The following FBXL13 variants were observed in gnomAD, a reference collection of about 807,000 sequenced individuals.
FBXL13 encodes the protein F-box and leucine-rich repeat protein 13.
Under a neutral mutation model 83.6 loss-of-function variants are expected in FBXL13, and 67 were observed. The ratio of observed to expected loss-of-function variants is 0.80; its 90% CI spans 0.66 to 0.98. FBXL13 has a LOEUF of 0.98. Ranked by LOEUF, FBXL13 falls within the 50% of genes least tolerant of loss-of-function variation. The probability of loss-of-function intolerance (pLI) is 0.00; values close to 1 mark genes in which losing one functional copy is unlikely to be tolerated. For missense variants in FBXL13, 822 were observed against 866.5 expected (o/e 0.95, Z 0.64); for synonymous variants, 272 against 299.5 (o/e 0.91, Z 0.95).
Position 102,982,482 on chromosome 7 carries a change from T to C in FBXL13, c.496-14365A>G, listed in dbSNP as rs566229373. Among the ~76,000 whole-genome samples, 45 of 152,252 alleles carry C rather than the reference T, an allele frequency of 3.0e-4. No homozygotes were observed. In the South Asian group the frequency reaches 8.1e-3, roughly 27 times the overall value. On this transcript the variant is annotated intron_variant, in intron 6 of 19. Transcript: ENST00000313221. ...AGCCTTGCAAGGTACTCTCCCATCGTTGGCACTGGAATTGAGTCTTCCAAA... is the reference window on the plus strand; with the variant it reads ...AGCCTTGCAAGGTACTCTCCCATCGCTGGCACTGGAATTGAGTCTTCCAAA...
chr7:102,943,268 C>T (rs1046984072), intron 8 of FBXL13, among the ~76,000 whole-genome samples: 4 of 151,488 alleles, frequency 2.6e-5, no homozygotes, highest in Non-Finnish European at 4.4e-5. Flanking sequence ...CTGCACTTGT[C>T]TTACATGCGA....
At chr7:102,936,141 T>C (rs1476495047) in intron 8 of FBXL13, 1 of 151,250 alleles carries the variant, frequency 6.6e-6, no homozygotes, top group Non-Finnish European at 1.5e-5. Context: ...GAACTGTATA[T>C]AATTCAGTGC....
chr7:102,963,103 G>C (rs541989922), intron 8 of FBXL13, among the ~76,000 whole-genome samples: 21 of 151,132 alleles, frequency 1.4e-4, no homozygotes, highest in African/African-American at 5.1e-4. Flanking sequence ...TGGATCACTT[G>C]AGGTCAGGAG....
At chr7:102,937,529 G>A (rs1205513074) in intron 8 of FBXL13, among the ~76,000 whole-genome samples, 1 of 138,898 alleles carries the variant, frequency 7.2e-6, no homozygotes, top group African/African-American at 2.7e-5. Context: ...AAAAAATGAA[G>A]GGTAGCTTTG....
chr7:102,972,927 T>G (rs527372377), intron 6 of FBXL13, among the ~76,000 whole-genome samples: 2 of 151,340 alleles, frequency 1.3e-5, no homozygotes, highest in East Asian at 3.9e-4. Context: ...TATTTTTAAT[T>G]GACAAATAAT....
chr7:103,068,191 A>G (rs1215595964), intron 1 of FBXL13, among the ~76,000 whole-genome samples: 1 of 152,250 alleles, frequency 6.6e-6, no homozygotes, highest in Admixed American at 6.5e-5. Context: ...GAACAATGAC[A>G]GGAGTAGAGA....
chr7:102,942,144 C>G, intron 8 of FBXL13: 1 of 549,608 alleles, frequency 1.8e-6, no homozygotes, highest in Non-Finnish European at 3.3e-6. Flanking sequence ...GAACGTATTT[C>G]CTACATTAAT....
At chr7:103,068,337 CAT>C (rs1216347319) in intron 1 of FBXL13, among the ~76,000 whole-genome samples, 1 of 152,080 alleles carries the variant, frequency 6.6e-6, no homozygotes, top group African/African-American at 2.4e-5. Flanking sequence ...AGGGAAGATA[CAT>C]AGTTTGGAAG....
chr7:102,932,064 G>A, intron 8 of FBXL13, 131 bp from the exon 10 acceptor site: 2 of 752,794 alleles, frequency 2.7e-6, no homozygotes, highest in Admixed American at 3.1e-5. Context: ...CATGTTCTAA[G>A]TATATGGTTT....
intron 10 of FBXL13, among the ~76,000 whole-genome samples, chr7:102,921,138 C>T (rs942561942): frequency 6.6e-6 from 1 of 151,978 alleles, no homozygotes; most frequent in African/African-American, 2.4e-5. Context: ...GGCAACAGGG[C>T]GAGACTCCGT....
intron 1 of FBXL13, among the ~76,000 whole-genome samples, chr7:103,071,223 A>G (rs1798921757): frequency 6.6e-6 from 1 of 152,120 alleles, no homozygotes; most frequent in South Asian, 2.1e-4. Context: ...AAAAGAAAAA[A>G]AAAGCTAACA....
chr7:103,059,936 T>C (rs1797690015), intron 1 of FBXL13, among the ~76,000 whole-genome samples: 3 of 148,984 alleles, frequency 2.0e-5, no homozygotes, highest in South Asian at 2.1e-4. Flanking sequence ...TCATACGCTA[T>C]AGGGCTATCA....
At chr7:102,920,541 G>A (rs533851418) in intron 10 of FBXL13, among the ~76,000 whole-genome samples, 7 of 152,056 alleles carry the variant, frequency 4.6e-5, no homozygotes, top group Admixed American at 1.3e-4. Flanking sequence ...TGTAGAGATG[G>A]AGTTTTACCA....
intron 11 of FBXL13, among the ~76,000 whole-genome samples, chr7:102,898,335 ACTTTT>A (rs1812524098): frequency 6.6e-6 from 1 of 152,126 alleles, no homozygotes; most frequent in Admixed American, 6.6e-5. Flanking sequence ...AACTTTGTAT[ACTTTT>A]CTTTTCTTCT....
chr7:102,894,287 T>G (rs1377812339), intron 11 of FBXL13, among the ~76,000 whole-genome samples: 1 of 152,224 alleles, frequency 6.6e-6, no homozygotes, highest in East Asian at 1.9e-4. Context: ...ACCTTTAAGT[T>G]TCGTGGGCTC....
upstream of FBXL13, chr7:103,074,714 G>A: frequency 7.8e-7 from 1 of 1,289,830 alleles, no homozygotes. Flanking sequence ...CCTGAGGAAT[G>A]TAGTTCTCCT....
intron 16 of FBXL13, among the ~76,000 whole-genome samples, chr7:102,868,422 G>T (rs1808061513): frequency 6.6e-6 from 1 of 152,036 alleles, no homozygotes; most frequent in Non-Finnish European, 1.5e-5. Flanking sequence ...TTGTCTTTCT[G>T]TGCTTGGATT....
rs746208357 is a variant in FBXL13, at chr7:103,025,047, C to T, written c.495+16G>A. 4 of 1,593,826 alleles carry T rather than the reference C, an allele frequency of 2.5e-6. No homozygotes were observed. The highest frequency in any genetic ancestry group is 2.6e-6 in the Non-Finnish European group (3 of 1,168,140). On this transcript the variant is annotated intron_variant, in intron 6 of 19. Transcript: ENST00000313221. ...GGCAGATTATAGTATATAATGTATA[C>T]TGAATTCATACAAACCTGTAATATT...
intron 6 of FBXL13, among the ~76,000 whole-genome samples, chr7:102,989,397 C>T (rs1829325291): frequency 6.6e-6 from 1 of 152,230 alleles, no homozygotes; most frequent in Non-Finnish European, 1.5e-5. Context: ...ATAAACATTA[C>T]TGCTAATGGA....
Sources: gnomAD v4.1 joint callset for allele counts (sites outside exome capture counted in the v4.1 genomes callset) on GRCh38, gnomAD v4.1.1 for gene constraint, MANE v1.5 for transcripts, NCBI Gene and HGNC (gene_info 2026-07-23, HGNC 2026-07-21) for gene names.